The following COG5 variants were observed in gnomAD, a reference collection of about 807,000 sequenced individuals.
COG5 encodes component of oligomeric golgi complex 5, also known as conserved oligomeric Golgi complex subunit 5.
In COG5, 86 loss-of-function variants were observed where a neutral mutation model predicts 110.4. The ratio of observed to expected loss-of-function variants is 0.78; its 90% CI spans 0.65 to 0.93. The LOEUF is 0.93. Among genes scored for constraint, COG5 ranks in the 40% least tolerant of loss-of-function variants. COG5 has a pLI of 0.00. For synonymous variants in COG5, 360 were observed against 334.6 expected (o/e 1.08, Z -0.83); for missense variants, 1,077 against 987.0 (o/e 1.09, Z -1.22).
chr7:107,532,525 GCA>G (rs1460449266), intron 5 of COG5, among the ~76,000 whole-genome samples: 3 of 152,018 alleles, frequency 2.0e-5, no homozygotes, highest in Admixed American at 6.6e-5. Flanking sequence ...ATATACATAT[GCA>G]CAAATATATA....
At chr7:107,408,973 A>T (rs1221153305) in intron 7 of COG5, among the ~76,000 whole-genome samples, 2 of 152,158 alleles carry the variant, frequency 1.3e-5, no homozygotes, top group African/African-American at 2.4e-5. Flanking sequence ...TTGCTAAAGT[A>T]AGTTCTGTTC....
Position 107,534,723 on chromosome 7 carries a change from G to A in COG5, c.418-7366C>T, listed in dbSNP as rs1801457140. ...AGACTCCCAGACAGTAACAGTGGGA[G>A]ACATTAACACCCCAATGTCAATATT... On this transcript the variant is annotated intron_variant, in intron 5 of 21. Coordinates refer to ENST00000297135, the MANE Select transcript of COG5 (RefSeq NM_006348.5). Among the ~76,000 whole-genome samples, 3 of 151,486 alleles carry A rather than the reference G, an allele frequency of 2.0e-5. No homozygotes were observed. In the South Asian group the frequency reaches 6.2e-4, roughly 32 times the overall value.
At chr7:107,246,584 C>A (rs138113401) in intron 17 of COG5, among the ~76,000 whole-genome samples, 1 of 152,028 alleles carries the variant, frequency 6.6e-6, no homozygotes, top group African/African-American at 2.4e-5. Flanking sequence ...CAAAAGAAGA[C>A]GAAGACATAC....
chr7:107,398,273 A>G (rs886605039), intron 7 of COG5, among the ~76,000 whole-genome samples: 1 of 152,236 alleles, frequency 6.6e-6, no homozygotes, highest in Non-Finnish European at 1.5e-5. Context: ...TTATTCATCA[A>G]TGAAAAACAA....
intron 1 of COG5, among the ~76,000 whole-genome samples, chr7:107,558,761 G>A (rs367991693): frequency 4.6e-5 from 7 of 150,810 alleles, no homozygotes; most frequent in Admixed American, 1.3e-4. Flanking sequence ...GGTGGTGGGC[G>A]CCTGTAGTCC....
intron 7 of COG5, 94 bp from the exon 8 acceptor site, chr7:107,372,854 TC>T (rs1198779655): frequency 3.4e-6 from 4 of 1,174,350 alleles, no homozygotes; most frequent in Non-Finnish European, 4.9e-6. Context: ...ACTTCAGCAG[TC>T]CTATCATATT....
At chr7:107,381,224 C>T (rs1815088527) in intron 7 of COG5, among the ~76,000 whole-genome samples, 1 of 152,040 alleles carries the variant, frequency 6.6e-6, no homozygotes, top group Non-Finnish European at 1.5e-5. Context: ...AAAAGGCTTC[C>T]CAAAATCAAA....
intron 6 of COG5, among the ~76,000 whole-genome samples, chr7:107,424,192 G>A (rs1000078538): frequency 1.3e-5 from 2 of 152,056 alleles, no homozygotes; most frequent in African/African-American, 2.4e-5. Flanking sequence ...AGAATCACTT[G>A]AACCCAGGAG....
At chr7:107,432,542 C>G (rs778669762) in intron 6 of COG5, among the ~76,000 whole-genome samples, 2 of 152,074 alleles carry the variant, frequency 1.3e-5, no homozygotes, top group African/African-American at 2.4e-5. Context: ...TGCTTAAAAA[C>G]TCAAATGCAA....
chr7:107,508,917 C>CA (rs1339193601), intron 6 of COG5, among the ~76,000 whole-genome samples: 5 of 152,120 alleles, frequency 3.3e-5, no homozygotes, highest in African/African-American at 9.6e-5. Context: ...CATCAAAGAC[C>CA]AAAAGTAGAT....
intron 19 of COG5, among the ~76,000 whole-genome samples, chr7:107,229,559 G>C (rs1200266977): frequency 6.6e-6 from 1 of 151,930 alleles, no homozygotes; most frequent in Non-Finnish European, 1.5e-5. Context: ...CTAAAAATCG[G>C]CTAGTAAAGA....
chr7:107,436,668 A>C (rs915363358), intron 6 of COG5, among the ~76,000 whole-genome samples: 7 of 152,222 alleles, frequency 4.6e-5, no homozygotes, highest in African/African-American at 9.6e-5. Context: ...TTAAACTTTC[A>C]TTGTAAATAA....
At chr7:107,221,230 G>A (rs560519156) in intron 19 of COG5, among the ~76,000 whole-genome samples, 104 of 152,070 alleles carry the variant, frequency 6.8e-4, no homozygotes, top group Non-Finnish European at 1.2e-3. Context: ...CCATGTGATA[G>A]AGTAGGGTTC....
At chr7:107,307,754 T>A (rs889310524) in intron 11 of COG5, among the ~76,000 whole-genome samples, 1 of 152,056 alleles carries the variant, frequency 6.6e-6, no homozygotes, top group East Asian at 1.9e-4. Context: ...TTTAGGGACA[T>A]GATGGGGGAG....
intron 6 of COG5, among the ~76,000 whole-genome samples, chr7:107,437,784 A>G (rs1794456499): frequency 1.3e-5 from 2 of 152,090 alleles, no homozygotes; most frequent in Admixed American, 1.3e-4. Flanking sequence ...TATACTAAGC[A>G]TTTTTTCATT....
At chr7:107,412,733 G>T (rs192082670) in intron 6 of COG5, 101 bp from the exon 7 acceptor site, 2 of 747,650 alleles carry the variant, frequency 2.7e-6, no homozygotes, top group East Asian at 2.8e-5. Flanking sequence ...AACAAAAAAC[G>T]CTATTAAACA....
At chr7:107,409,365 A>G (rs527402054) in intron 7 of COG5, among the ~76,000 whole-genome samples, 1 of 152,004 alleles carries the variant, frequency 6.6e-6, no homozygotes, top group East Asian at 1.9e-4. Context: ...GGAAACTGGG[A>G]GGTCACCCAG....
chr7:107,355,662 G>A (rs759688665), intron 10 of COG5, among the ~76,000 whole-genome samples: 2 of 152,178 alleles, frequency 1.3e-5, no homozygotes, highest in Non-Finnish European at 2.9e-5. Context: ...AGTGGAAGAA[G>A]GCATTCAGAA....
intron 7 of COG5, 51 bp from the exon 8 acceptor site, chr7:107,372,811 C>T (rs370486537): frequency 9.3e-5 from 145 of 1,558,328 alleles, no homozygotes; most frequent in East Asian, 8.1e-4. Flanking sequence ...GGAAAACAAA[C>T]AAAATCAACA....
Sources: allele counts gnomAD v4.1 joint callset (sites outside exome capture counted in the v4.1 genomes callset), GRCh38; gene constraint gnomAD v4.1.1; transcripts MANE v1.5; gene names NCBI Gene and HGNC (gene_info 2026-07-23, HGNC 2026-07-21).